The following WDR27 variants were observed in gnomAD, a reference collection of about 807,000 sequenced individuals.
The protein encoded by WDR27 is WD repeat-containing protein 27.
WDR27 carries 100 observed loss-of-function variants against 114.4 expected under a neutral mutation model. The observed-to-expected ratio is 0.87, with a 90% CI of 0.74 to 1.03. WDR27 has a LOEUF of 1.03. Ranked by LOEUF, WDR27 falls within the 50% of genes least tolerant of loss-of-function variation. The pLI is 0.00. For missense variants in WDR27, 1,129 were observed against 1,092.9 expected, an observed-to-expected ratio of 1.03 and a Z score of -0.47; for synonymous variants, 449 against 423.1, an observed-to-expected ratio of 1.06 and a Z score of -0.75.
chr6:169,658,300 T>C lies in WDR27; in HGVS notation c.1378A>G (p.Lys460Glu), dbSNP rs745780091. The C allele has an allele frequency of 2.4e-5, 38 of 1,601,886 alleles. No individual in the cohort carries two copies. The highest frequency in any genetic ancestry group is 3.1e-5 in the Non-Finnish European group (37 of 1,174,626). The part of the protein sequence containing the change: ...YLGIAKEKST[K>E]AASEQRRAAR... The stretch of plus-strand genomic sequence containing the variant: ...CCACGTCGCTGTTCACTAGCAGCCT[T>C]GGTACTCTTCTCCTTGGCAATTCCC... Residue 460 changes from lysine to glutamate, a missense_variant, in exon 13 of 26, where the codon AAG becomes GAG. By Grantham distance (56) the Lys-to-Glu change is moderately conservative. Coordinates refer to ENST00000448612, the MANE Select transcript of WDR27 (RefSeq NM_182552.5).
Position 169,503,134 on chromosome 6 carries a change from C to T in WDR27, c.2646-45500G>A, listed in dbSNP as rs142441093. Among the ~76,000 whole-genome samples, 151 of 152,188 alleles carry T rather than the reference C, an allele frequency of 9.9e-4. 4 individuals carry two copies. Among genetic ancestry groups the T allele is most frequent in the Admixed American group, 8.6e-3 (131 of 15,302 alleles). On this transcript the variant is annotated intron_variant, in intron 25 of 25. Transcript: ENST00000448612. ...CTCTGCCATGCTGTGAGCAGAGTGA[C>T]GAGAAAGAGGCAGGGCCTGGGGTGA...
At chr6:169,633,972 T>C (rs1264353211) in intron 20 of WDR27, among the ~76,000 whole-genome samples, 8 of 152,142 alleles carry the variant, frequency 5.3e-5, no homozygotes, top group Admixed American at 6.6e-5. Flanking sequence ...TCTGGAGCTT[T>C]TCCCCTAAAT....
chr6:169,619,077 C>A (rs1324190715), intron 21 of WDR27, among the ~76,000 whole-genome samples: 1 of 152,072 alleles, frequency 6.6e-6, no homozygotes, highest in African/African-American at 2.4e-5. Flanking sequence ...TATTACAATC[C>A]CTACTGAAAG....
intron 21 of WDR27, among the ~76,000 whole-genome samples, chr6:169,627,745 C>T (rs1162726512): frequency 2.6e-5 from 4 of 152,100 alleles, no homozygotes; most frequent in Non-Finnish European, 4.4e-5. Flanking sequence ...GATAACCTGA[C>T]ATTTAGATGG....
rs181436294 is a variant in WDR27 at position 169,688,232 on chromosome 6, T to C, written c.189+585A>G. ...TGAAAATGAACAACATGGATGAACC[T>C]CATAAACATGCTGATTAATCAAAGA... On this transcript the variant is annotated intron_variant, in intron 2 of 25. Transcript: ENST00000448612. Among the ~76,000 whole-genome samples, 256 of 152,294 alleles carry C rather than the reference T, an allele frequency of 1.7e-3. 2 individuals are homozygous for C. Among genetic ancestry groups the C allele is most frequent in the African/African-American group, 5.4e-3 (224 of 41,566 alleles).
intron 2 of WDR27, among the ~76,000 whole-genome samples, chr6:169,675,785 T>A (rs1211889724): frequency 6.8e-6 from 1 of 148,018 alleles, no homozygotes; most frequent in Non-Finnish European, 1.5e-5. Flanking sequence ...AGCTCTCAGA[T>A]AGACTTCAGA....
chr6:169,589,623 A>G (rs918590299), intron 23 of WDR27, among the ~76,000 whole-genome samples: 13 of 152,204 alleles, frequency 8.5e-5, no homozygotes, highest in Non-Finnish European at 1.6e-4. Context: ...TTTTCTGATC[A>G]TGACAACTTT....
intron 25 of WDR27, among the ~76,000 whole-genome samples, chr6:169,542,459 C>T (rs926222394): frequency 6.6e-6 from 1 of 151,994 alleles, no homozygotes; most frequent in Non-Finnish European, 1.5e-5. Flanking sequence ...TTGACTTGTA[C>T]TTTTTTAAAA....
At chr6:169,574,731 C>A (rs1331594628) in intron 24 of WDR27, among the ~76,000 whole-genome samples, 1 of 152,200 alleles carries the variant, frequency 6.6e-6, no homozygotes, top group East Asian at 1.9e-4. Flanking sequence ...TTTCTCACAG[C>A]CCAGTGCTCT....
intron 25 of WDR27, among the ~76,000 whole-genome samples, chr6:169,481,597 T>C (rs983613176): frequency 1.6e-4 from 24 of 149,890 alleles, no homozygotes; most frequent in African/African-American, 5.9e-4. Flanking sequence ...AGTGAGACCA[T>C]GAACCAACTA....
At chr6:169,451,529 T>G in the WDR27 span, among the ~76,000 whole-genome samples, 1 of 152,228 alleles carries the variant, frequency 6.6e-6, no homozygotes, top group Admixed American at 6.5e-5. Flanking sequence ...TATATTCATT[T>G]CTCATAGATA....
At chr6:169,562,470 C>G (rs979825389) in intron 25 of WDR27, among the ~76,000 whole-genome samples, 2 of 152,134 alleles carry the variant, frequency 1.3e-5, no homozygotes, top group Non-Finnish European at 2.9e-5. Context: ...AACATTTTCA[C>G]AATTTGGGGG....
rs1368473021 is a variant in WDR27, at chr6:169,578,740, G to T, written c.2523+4096C>A. On this transcript the variant is annotated intron_variant, in intron 24 of 25. Coordinates refer to ENST00000448612, the MANE Select transcript of WDR27 (RefSeq NM_182552.5). ...CCCTCAAACAGCTCCTCGCTCTTGG[G>T]GGACGCTCAACAGTAGCTTTGGTTA... Among the ~76,000 whole-genome samples, 5 of 152,112 alleles carry T rather than the reference G, an allele frequency of 3.3e-5. No individual in the cohort carries two copies. The East Asian group carries it at 9.6e-4, about 29-fold the overall frequency.
intron 15 of WDR27, 79 bp from the exon 16 acceptor site, chr6:169,647,949 G>A (rs1821223291): frequency 9.8e-7 from 1 of 1,018,934 alleles, no homozygotes; most frequent in African/African-American, 1.7e-5. Context: ...AAGAAACGAA[G>A]TGGGCTTCCC....
At chr6:169,615,152 T>C (rs1811500679) in intron 21 of WDR27, among the ~76,000 whole-genome samples, 1 of 152,170 alleles carries the variant, frequency 6.6e-6, no homozygotes, top group Non-Finnish European at 1.5e-5. Flanking sequence ...TAATCATAAT[T>C]GCAAACAGAC....
At chr6:169,492,647 T>C (rs1789920076) in intron 25 of WDR27, among the ~76,000 whole-genome samples, 1 of 152,070 alleles carries the variant, frequency 6.6e-6, no homozygotes, top group South Asian at 2.1e-4. Context: ...ACGACTTACT[T>C]TCCATACCTC....
chr6:169,641,333 A>G (rs967947989), intron 17 of WDR27, among the ~76,000 whole-genome samples: 8 of 152,024 alleles, frequency 5.3e-5, no homozygotes, highest in African/African-American at 1.7e-4. Context: ...TCGGGAGCCA[A>G]TCCCCACGAA....
chr6:169,433,914 C>G, the WDR27 span, among the ~76,000 whole-genome samples: 1 of 152,198 alleles, frequency 6.6e-6, no homozygotes, highest in Non-Finnish European at 1.5e-5. Context: ...TGTTCATATC[C>G]TTCCCCCACT....
intron 2 of WDR27, among the ~76,000 whole-genome samples, chr6:169,682,510 C>A (rs1781801279): frequency 6.6e-6 from 1 of 152,198 alleles, no homozygotes; most frequent in South Asian, 2.1e-4. Context: ...TTAAAGCATC[C>A]TCTAATGCTG....
Sources: allele counts gnomAD v4.1 joint callset (sites outside exome capture counted in the v4.1 genomes callset), GRCh38; gene constraint gnomAD v4.1.1; transcripts MANE v1.5; gene names NCBI Gene and HGNC (gene_info 2026-07-23, HGNC 2026-07-21).